The following SEMA6D variants were observed in gnomAD, a reference collection of about 807,000 sequenced individuals.
SEMA6D encodes semaphorin-6D.
Under a neutral mutation model 106.6 loss-of-function variants are expected in SEMA6D, and 35 were observed. The ratio of observed to expected loss-of-function variants is 0.33; its 90% confidence interval spans 0.25 to 0.44. SEMA6D has a LOEUF of 0.44. Ranked by LOEUF, SEMA6D falls within the 20% of genes least tolerant of loss-of-function variation. The pLI is 1.00. For missense variants in SEMA6D, 1,185 were observed against 1,345.9 expected (o/e 0.88, Z 1.87); for synonymous variants, 499 against 487.7 (o/e 1.02, Z -0.31).
intron 3 of SEMA6D, among the ~76,000 whole-genome samples, chr15:47,559,128 G>A (rs2046002958): frequency 6.6e-6 from 1 of 151,978 alleles, no homozygotes; most frequent in African/African-American, 2.4e-5. Flanking sequence ...TAGAACCAAA[G>A]GCATCTGGAA....
At chr15:47,596,704 T>C (rs1040382752) in intron 3 of SEMA6D, among the ~76,000 whole-genome samples, 1 of 151,736 alleles carries the variant, frequency 6.6e-6, no homozygotes, top group Non-Finnish European at 1.5e-5. Context: ...TAACAAAGAG[T>C]GTTGGGAAAA....
chr15:47,244,450 G>C (rs921254309), intron 1 of SEMA6D, among the ~76,000 whole-genome samples: 7 of 152,136 alleles, frequency 4.6e-5, no homozygotes, highest in African/African-American at 1.7e-4. Context: ...TTATAAGCAT[G>C]TGTTATAAAG....
chr15:47,765,120 T>C, intron 13 of SEMA6D, 64 bp downstream of exon 13: 1 of 1,579,400 alleles, frequency 6.3e-7, no homozygotes. Context: ...GTATTTCATC[T>C]AGTCATGTCC....
At chr15:47,665,208 A>G (rs111484828) in intron 4 of SEMA6D, among the ~76,000 whole-genome samples, 1 of 152,220 alleles carries the variant, frequency 6.6e-6, no homozygotes, top group African/African-American at 2.4e-5. Flanking sequence ...GCCCTTGAGT[A>G]GGAAGAAAGC....
chr15:47,744,542 G>A (rs563829624), intron 1 of SEMA6D, among the ~76,000 whole-genome samples: 12 of 152,202 alleles, frequency 7.9e-5, no homozygotes, highest in African/African-American at 2.6e-4. Flanking sequence ...CTTAAAGGCC[G>A]TATTTCCCAA....
At chr15:47,325,449 G>A (rs2037094948) in intron 1 of SEMA6D, among the ~76,000 whole-genome samples, 2 of 152,332 alleles carry the variant, frequency 1.3e-5, no homozygotes, top group Admixed American at 6.5e-5. Flanking sequence ...TGGGATTACA[G>A]GCGTGAGCCA....
chr15:47,271,387 G>A (rs778204809), intron 1 of SEMA6D, among the ~76,000 whole-genome samples: 4 of 152,178 alleles, frequency 2.6e-5, no homozygotes, highest in Admixed American at 1.3e-4. Context: ...GGGAAGGGTG[G>A]TCACTGGCAG....
intron 3 of SEMA6D, among the ~76,000 whole-genome samples, chr15:47,534,923 C>G (rs1381991633): frequency 6.6e-6 from 1 of 151,688 alleles, no homozygotes; most frequent in African/African-American, 2.4e-5. Flanking sequence ...CTATGCATAC[C>G]AAATGTAAAT....
intron 1 of SEMA6D, among the ~76,000 whole-genome samples, chr15:47,294,609 G>A (rs1466291646): frequency 6.6e-6 from 1 of 152,112 alleles, no homozygotes; most frequent in African/African-American, 2.4e-5. Context: ...TCCTCCTGAG[G>A]TAGGAAAAGA....
intron 1 of SEMA6D, among the ~76,000 whole-genome samples, chr15:47,398,101 A>G (rs1398547656): frequency 2.0e-5 from 3 of 152,194 alleles, no homozygotes; most frequent in African/African-American, 7.2e-5. Flanking sequence ...ATTTAATCCA[A>G]GCCATAGCAT....
intron 1 of SEMA6D, chr15:47,396,777 C>T (rs913127771): frequency 3.3e-5 from 5 of 152,176 alleles, no homozygotes; most frequent in African/African-American, 9.6e-5. Flanking sequence ...TTACATCCTT[C>T]AGTCCAATCA....
rs1595900945 is a variant in SEMA6D, at chr15:47,397,181, G to A, written c.-238-15212G>A. 2.0e-5 allele frequency among the ~76,000 whole-genome samples: 3 copies of A among 152,164 alleles called. No individual in the cohort carries two copies. In the East Asian group the frequency reaches 5.8e-4, roughly 29 times the overall value. On this transcript the variant is annotated intron_variant, in intron 1 of 19. Transcript: ENST00000558014. ...ATTTGGATACAGTTTAGAAAGCCAA[G>A]CCCTCTTAGACATCTGTGTAGACAA...
chr15:47,452,410 A>T (rs966115675), intron 2 of SEMA6D, among the ~76,000 whole-genome samples: 2 of 151,628 alleles, frequency 1.3e-5, no homozygotes, highest in Admixed American at 6.6e-5. Context: ...TGGGCAAGTT[A>T]CTTTATGTTT....
At chr15:47,616,785 A>G (rs1340617124) in intron 4 of SEMA6D, among the ~76,000 whole-genome samples, 1 of 152,100 alleles carries the variant, frequency 6.6e-6, no homozygotes, top group Non-Finnish European at 1.5e-5. Flanking sequence ...GGCTGTACAC[A>G]TTTCTTTATT....
intron 3 of SEMA6D, among the ~76,000 whole-genome samples, chr15:47,543,756 G>C (rs947805462): frequency 6.6e-6 from 1 of 152,030 alleles, no homozygotes; most frequent in Admixed American, 6.6e-5. Flanking sequence ...ATAACTGTTG[G>C]AGTGTTATTT....
intron 1 of SEMA6D, among the ~76,000 whole-genome samples, chr15:47,409,458 A>T (rs2040708835): frequency 1.3e-5 from 2 of 152,156 alleles, no homozygotes; most frequent in South Asian, 4.1e-4. Context: ...CACCATAATG[A>T]TATCTCCCAC....
At chr15:47,582,402 C>T (rs552382401) in intron 3 of SEMA6D, among the ~76,000 whole-genome samples, 4 of 152,270 alleles carry the variant, frequency 2.6e-5, no homozygotes, top group South Asian at 2.1e-4. Context: ...CAAAGCCAGT[C>T]GGAAGACAAA....
rs747806082 is a variant in SEMA6D, at chr15:47,771,159, A to C, written c.2596A>C (p.Lys866Gln). The C allele has an allele frequency of 8.1e-6, 13 of 1,613,976 alleles. No individual in the cohort carries two copies. The Admixed American group carries it at 1.0e-4, about 12-fold the overall frequency. ...IDHPLTKSSS[K>Q]RDHRRSVDSR... ...TCACCCTCTCACAAAGTCATCCAGT[A>C]AGAGAGATCACCGGCGTTCTGTTGA... Residue 866 changes from lysine to glutamine, a missense_variant, in exon 19 of 19, where the codon AAG (lysine) becomes CAG (glutamine). Transcript: ENST00000536845.
chr15:47,586,888 G>GTTTTTT (rs35584206), intron 3 of SEMA6D, among the ~76,000 whole-genome samples: 3 of 122,822 alleles, frequency 2.4e-5, no homozygotes, highest in Admixed American at 8.8e-5. Flanking sequence ...AATTTGACAG[G>GTTTTTT]TTTTTTTTTT....
Sources: gnomAD v4.1 joint callset for allele counts (sites outside exome capture counted in the v4.1 genomes callset) on GRCh38, gnomAD v4.1.1 for gene constraint, MANE v1.5 for transcripts, NCBI Gene and HGNC (gene_info 2026-07-23, HGNC 2026-07-21) for gene names.